The following ALOXE3 variants were observed in gnomAD, a reference collection of about 807,000 sequenced individuals.
ALOXE3 encodes the protein arachidonate epidermal lipoxygenase 3.
ALOXE3 carries 78 observed loss-of-function variants against 87.5 expected under a neutral mutation model. That is an observed-to-expected ratio of 0.89 (90% CI 0.74 to 1.08). The LOEUF (loss-of-function observed/expected upper bound fraction) is 1.08. Ranked by LOEUF, ALOXE3 falls within the 50% of genes least tolerant of loss-of-function variation. ALOXE3 has a pLI of 0.00. For missense variants in ALOXE3, 946 were observed against 912.4 expected, an observed-to-expected ratio of 1.04 and a Z score of -0.47; for synonymous variants, 363 against 370.8, an observed-to-expected ratio of 0.98 and a Z score of 0.24.
intron 13 of ALOXE3, 86 bp downstream of exon 13, chr17:8,108,382 C>A (rs1979692346): frequency 6.4e-7 from 1 of 1,562,166 alleles, no homozygotes; most frequent in Non-Finnish European, 8.7e-7. Context: ...AAAGGCTGGT[C>A]AATAAATAAC....
At chr17:8,108,739 C>T (rs1979729081) in intron 12 of ALOXE3, 150 bp from the exon 13 acceptor site, 5 of 1,213,798 alleles carry the variant, frequency 4.1e-6, no homozygotes, top group Non-Finnish European at 5.8e-6. Flanking sequence ...TCTGAGTGGC[C>T]GGGCTTCCCT....
chr17:8,117,953 T>A lies in ALOXE3; in HGVS notation c.38A>T (p.Tyr13Phe), dbSNP rs772767438. ...VYRLCVTTGPYLRAGTLDNIS... is the reference protein window; with the variant it reads ...VYRLCVTTGPFLRAGTLDNIS... Reference sequence around the variant, plus strand: ...GTTGTCCAGTGTGCCGGCCCTCAGGTAGGGACCAGTGGTCACACACAGGCG... The same window carrying A: ...GTTGTCCAGTGTGCCGGCCCTCAGGAAGGGACCAGTGGTCACACACAGGCG... The change falls in exon 2 of 16, where the codon TAC becomes TTC. Residue 13 changes from tyrosine (Y) to phenylalanine (F), a missense_variant. Tyr to Phe is a conservative substitution (Grantham distance 22, BLOSUM62 3). Coordinates refer to ENST00000448843, the MANE Select transcript of ALOXE3 (RefSeq NM_021628.3). 8.7e-6 allele frequency: 14 copies of A among 1,611,898 alleles called. No homozygotes were observed. The East Asian group carries it at 3.1e-4, about 36-fold the overall frequency.
chr17:8,110,279 C>G lies in ALOXE3; in HGVS notation c.1118G>C (p.Gly373Ala). 6.2e-7 allele frequency: 1 copy of G among 1,613,990 alleles called. No individual in the cohort carries two copies. ...GGGCAGGAAGATGGGGCTGTCAGGC[C>G]CGGGGGTCTGGCTGAGCTGCGTCCG... ...PLAIQLSQTP[G>A]PDSPIFLPTD... Residue 373 changes from glycine to alanine, a missense_variant, in exon 10 of 16, where the codon GGG becomes GCG. Transcript: ENST00000448843.
At chr17:8,113,806 C>T (rs903187176) in intron 6 of ALOXE3, among the ~76,000 whole-genome samples, 5 of 152,098 alleles carry the variant, frequency 3.3e-5, no homozygotes, top group Admixed American at 6.5e-5. Context: ...GCAGATGGAT[C>T]ACCTGAGGTC....
Position 8,118,176 on chromosome 17 carries a change from C to G in ALOXE3, c.-186G>C. 6.4e-7 allele frequency: 1 copy of G among 1,551,590 alleles called. No homozygotes were observed. Among genetic ancestry groups the G allele is most frequent in the South Asian group, 1.2e-5 (1 of 84,062 alleles). ...TCCTGGGCTTTCTCTCTCCGAAGCT[C>G]CCTGCTGGCGGCTCGGGCTTCCTCT... is the stretch of plus-strand genomic sequence containing the variant. On this transcript the variant is annotated 5_prime_UTR_variant, in exon 2 of 16. Coordinates refer to ENST00000448843, the MANE Select transcript of ALOXE3 (RefSeq NM_021628.3).
chr17:8,117,882 G>A lies in ALOXE3; in HGVS notation c.109C>T (p.Arg37Trp), dbSNP rs1046363526. 6.2e-7 allele frequency: 1 copy of A among 1,611,642 alleles called. No individual in the cohort carries two copies. Among genetic ancestry groups the A allele is most frequent in the Non-Finnish European group, 8.5e-7 (1 of 1,179,584 alleles). The change falls in exon 2 of 16, where the codon CGG becomes TGG. Residue 37 changes from arginine (R) to tryptophan (W), a missense_variant. Physicochemically the swap from Arg to Trp is moderately radical, Grantham distance 101. Coordinates refer to ENST00000448843, the MANE Select transcript of ALOXE3 (RefSeq NM_021628.3). Reference protein sequence around the residue: ...VGTCGESPKQRLDRMGRDFAP... With the variant: ...VGTCGESPKQWLDRMGRDFAP... Reference sequence around the variant, plus strand: ...AAGTCCCTGCCCATTCGATCTAGCCGCTGCTTGGGGCTTTCACCACACGTG... The same window carrying A: ...AAGTCCCTGCCCATTCGATCTAGCCACTGCTTGGGGCTTTCACCACACGTG...
intron 3 of ALOXE3, among the ~76,000 whole-genome samples, chr17:8,116,142 G>A (rs116709733): frequency 5.8e-4 from 89 of 152,326 alleles, no homozygotes; most frequent in African/African-American, 2.1e-3. Context: ...GGACCATGGG[G>A]TAATATTCAT....
chr17:8,097,099 A>G (rs1978591917), intron 15 of ALOXE3, among the ~76,000 whole-genome samples: 1 of 152,148 alleles, frequency 6.6e-6, no homozygotes, highest in South Asian at 2.1e-4. Flanking sequence ...TTTGAGACTC[A>G]ATTCCTGCAT....
At chr17:8,106,218 CAG>C (rs148821429) in intron 13 of ALOXE3, among the ~76,000 whole-genome samples, 2,240 of 152,140 alleles carry the variant, frequency 0.015, 51 homozygotes, top group African/African-American at 0.051. Flanking sequence ...TTTAGGAAGA[CAG>C]AGAGGGAAAC....
At chr17:8,103,823 A>G (rs954767959) in intron 14 of ALOXE3, among the ~76,000 whole-genome samples, 29 of 152,136 alleles carry the variant, frequency 1.9e-4, no homozygotes, top group Admixed American at 1.8e-3. Flanking sequence ...TTGGGTTGCC[A>G]TGCCACACAG....
At chr17:8,107,826 AAAG>A (rs1567996009) in intron 13 of ALOXE3, among the ~76,000 whole-genome samples, 3 of 3,006 alleles carry the variant, frequency 1.0e-3, no homozygotes, top group African/African-American at 2.3e-3. Context: ...AGAAAGAAAG[AAAG>A]AAAGAAAGAA....
Position 8,110,152 on chromosome 17 carries a change from C to T in ALOXE3, c.1245G>A (p.Leu415=), listed in dbSNP as rs1373983768. Residue 415 remains leucine, a synonymous_variant, in exon 10 of 16, where the codon CTG becomes CTA. Coordinates refer to ENST00000448843, the MANE Select transcript of ALOXE3 (RefSeq NM_021628.3). The part of the protein sequence containing the change: ...NNTHFLCTHL[L]CEAFAMATLR... ...GCGTGGCCATGGCGAAGGCCTCGCA[C>T]AGCAAATGCGTGCACAGAAAGTGCG... The T allele has an allele frequency of 1.9e-6, 3 of 1,613,908 alleles. No homozygotes were observed.
chr17:8,113,817 G>A (rs997980751), intron 6 of ALOXE3, among the ~76,000 whole-genome samples: 2 of 151,322 alleles, frequency 1.3e-5, no homozygotes, highest in African/African-American at 2.4e-5. Flanking sequence ...ACCTGAGGTC[G>A]GGAGTTTGAG....
At chr17:8,113,404 G>A (rs1412793345) in intron 6 of ALOXE3, among the ~76,000 whole-genome samples, 1 of 152,220 alleles carries the variant, frequency 6.6e-6, no homozygotes, top group Non-Finnish European at 1.5e-5. Context: ...TATAATCCCA[G>A]CACTTTGGGA....
chr17:8,117,194 C>T (rs1432184358), intron 2 of ALOXE3, among the ~76,000 whole-genome samples: 1 of 152,226 alleles, frequency 6.6e-6, no homozygotes, highest in African/African-American at 2.4e-5. Context: ...GAGGCCGAGG[C>T]GGGTGGATCA....
rs1457411580 is a variant in ALOXE3, at chr17:8,096,426, AC to A, written c.*200del. 5 of 598,728 alleles carry A rather than the reference AC, an allele frequency of 8.4e-6. No homozygotes were observed. In the African/African-American group the frequency reaches 9.2e-5, roughly 11 times the overall value. The allele number at this position is 598,728 out of a possible 1,614,324, so 37.1% of individuals were successfully genotyped here. On this transcript the variant is annotated 3_prime_UTR_variant, in exon 16 of 16. Transcript: ENST00000448843. ...CTTTGGTCAGCGGCTTTTAACCTGGACGCTGCTGTGCTGGTCTCTCACAGCT... is the reference window on the plus strand; with the variant it reads ...CTTTGGTCAGCGGCTTTTAACCTGGAGCTGCTGTGCTGGTCTCTCACAGCT...
chr17:8,118,722 G>C (rs565648171), upstream of ALOXE3: 1 of 1,537,316 alleles, frequency 6.5e-7, no homozygotes, highest in East Asian at 2.4e-5. Flanking sequence ...GAGTAGGGCA[G>C]GTCAGGAAAG....
At position 8,118,448 on chromosome 17, in the gene ALOXE3, T is replaced by C. The variant is rs750638847; in HGVS notation, c.-314+38A>G. 1.7e-5 allele frequency: 26 copies of C among 1,550,254 alleles called. No homozygotes were observed. The South Asian group carries it at 3.1e-4, about 18-fold the overall frequency. On this transcript the variant is annotated intron_variant, in intron 1 of 15. Coordinates refer to ENST00000448843, the MANE Select transcript of ALOXE3 (RefSeq NM_021628.3). The stretch of plus-strand genomic sequence containing the variant: ...ACTCCCCAATGTCCCCCAAGATCTG[T>C]TCCTCCCCATTCCCAGGCAGAGATG...
chr17:8,116,388 A>G (rs1336358625), intron 3 of ALOXE3, among the ~76,000 whole-genome samples: 2 of 152,180 alleles, frequency 1.3e-5, no homozygotes, highest in Non-Finnish European at 2.9e-5. Context: ...CTCCAGCTAA[A>G]ATCTCTGAGC....
Sources: allele counts gnomAD v4.1 joint callset (sites outside exome capture counted in the v4.1 genomes callset), GRCh38; gene constraint gnomAD v4.1.1; transcripts MANE v1.5; gene names NCBI Gene and HGNC (gene_info 2026-07-23, HGNC 2026-07-21).